The following ATP6V0A1 variants were observed in gnomAD, a reference collection of about 807,000 sequenced individuals.
The protein encoded by ATP6V0A1 is ATPase H+ transporting V0 subunit a1.
Under a neutral mutation model 105.4 loss-of-function variants are expected in ATP6V0A1, and 43 were observed. That is an observed-to-expected ratio of 0.41 (90% CI 0.32 to 0.53). The LOEUF is 0.53. Ranked by LOEUF, ATP6V0A1 falls within the 20% of genes least tolerant of loss-of-function variation. The pLI is 0.30. For missense variants in ATP6V0A1, 676 were observed against 1,051.1 expected, an observed-to-expected ratio of 0.64 and a Z score of 4.93; for synonymous variants, 362 against 372.8, an observed-to-expected ratio of 0.97 and a Z score of 0.33.
At chr17:42,483,843 A>G (rs950938390) in intron 9 of ATP6V0A1, among the ~76,000 whole-genome samples, 2 of 152,116 alleles carry the variant, frequency 1.3e-5, no homozygotes, top group African/African-American at 2.4e-5. Flanking sequence ...TGGCCTCCCA[A>G]AGTGCTGGGA....
chr17:42,484,339 G>A (rs769400135), intron 9 of ATP6V0A1, among the ~76,000 whole-genome samples: 8 of 152,168 alleles, frequency 5.3e-5, no homozygotes, highest in Non-Finnish European at 1.0e-4. Context: ...TTATAGGTGT[G>A]AGCCACCGCG....
chr17:42,480,805 T>C (rs1267435734), intron 8 of ATP6V0A1, 56 bp downstream of exon 8: 18 of 1,508,310 alleles, frequency 1.2e-5, no homozygotes, highest in Non-Finnish European at 1.5e-5. Context: ...AACTGTTGAG[T>C]CTTAAAGTTC....
intron 2 of ATP6V0A1, among the ~76,000 whole-genome samples, chr17:42,464,454 G>A (rs2086796046): frequency 1.3e-5 from 2 of 151,778 alleles, no homozygotes; most frequent in Admixed American, 1.3e-4. Flanking sequence ...CCAGGCTGGA[G>A]TGCAGTGGCA....
At chr17:42,481,024 G>T in intron 8 of ATP6V0A1, 1 of 233,712 alleles carries the variant, frequency 4.3e-6, no homozygotes, top group Non-Finnish European at 8.4e-6. Flanking sequence ...TGGGCTCAGG[G>T]GATTCTCCTG....
intron 18 of ATP6V0A1, 146 bp downstream of exon 18, chr17:42,507,773 C>T: frequency 1.4e-6 from 1 of 712,664 alleles, no homozygotes; most frequent in South Asian, 1.5e-5. Context: ...TCTTAGGGCA[C>T]CACAGCTTTT....
intron 1 of ATP6V0A1, among the ~76,000 whole-genome samples, chr17:42,459,605 G>A (rs941471941): frequency 6.6e-6 from 1 of 152,192 alleles, no homozygotes; most frequent in Non-Finnish European, 1.5e-5. Context: ...ATTATCCACA[G>A]CTCCTGAACT....
At chr17:42,477,542 C>T in intron 5 of ATP6V0A1, 118 bp from the exon 6 acceptor site, 2 of 1,005,544 alleles carry the variant, frequency 2.0e-6, no homozygotes, top group South Asian at 3.5e-5. Context: ...GGTTTGTTTT[C>T]TTTTTCATCC....
intron 11 of ATP6V0A1, among the ~76,000 whole-genome samples, chr17:42,492,960 G>A (rs1386642725): frequency 1.3e-5 from 2 of 152,060 alleles, no homozygotes; most frequent in Non-Finnish European, 2.9e-5. Context: ...AGAAGTTATA[G>A]TGAGCCTAAA....
intron 15 of ATP6V0A1, among the ~76,000 whole-genome samples, chr17:42,499,792 A>C (rs1324876023): frequency 6.6e-6 from 1 of 152,160 alleles, no homozygotes; most frequent in Non-Finnish European, 1.5e-5. Context: ...CATCTCAAAA[A>C]AAAAAAAAAT....
At chr17:42,506,809 G>T (rs139039009) in intron 17 of ATP6V0A1, among the ~76,000 whole-genome samples, 1 of 152,178 alleles carries the variant, frequency 6.6e-6, no homozygotes, top group Admixed American at 6.5e-5. Flanking sequence ...GACTGTGTTT[G>T]TGAACTCAGA....
intron 19 of ATP6V0A1, among the ~76,000 whole-genome samples, chr17:42,512,756 G>A (rs1447689600): frequency 6.6e-6 from 1 of 152,210 alleles, no homozygotes; most frequent in Non-Finnish European, 1.5e-5. Flanking sequence ...GGCATTTCTG[G>A]TGTCCTTTGG....
At chr17:42,465,890 T>C (rs916128642) in intron 2 of ATP6V0A1, among the ~76,000 whole-genome samples, 1 of 151,720 alleles carries the variant, frequency 6.6e-6, no homozygotes, top group Non-Finnish European at 1.5e-5. Flanking sequence ...TGCTTGAACC[T>C]GGGAGGCAGA....
At chr17:42,506,105 G>A (rs369067786) in intron 17 of ATP6V0A1, among the ~76,000 whole-genome samples, 3 of 152,086 alleles carry the variant, frequency 2.0e-5, no homozygotes, top group Non-Finnish European at 4.4e-5. Context: ...CATATACCTT[G>A]CCAAAGTTTT....
Position 42,468,083 on chromosome 17 carries a change from C to G in ATP6V0A1, c.270C>G (p.Phe90Leu), listed in dbSNP as rs759834496. 3 of 1,596,742 alleles carry G rather than the reference C, an allele frequency of 1.9e-6. No individual in the cohort carries two copies. The East Asian group carries it at 6.9e-5, about 37-fold the overall frequency. Residue 90 changes from phenylalanine (F) to leucine (L), a missense_variant, in exon 4 of 22, where the codon TTC becomes TTG. Physicochemically the swap from Phe to Leu is conservative, Grantham distance 22. Around this residue, in one of 3 missense-constraint regions of ATP6V0A1, gnomAD observed 239 missense variants for 388.4 expected, o/e 0.62. Transcript: ENST00000343619. Reference protein sequence around the residue: ...MDTGENPEVPFPRDMIDLEAN... With the variant: ...MDTGENPEVPLPRDMIDLEAN... ...CCGGTGAAAACCCAGAGGTTCCCTTCCCCCGGGACATGATTGACTTAGAGG... is the reference window on the plus strand; with the variant it reads ...CCGGTGAAAACCCAGAGGTTCCCTTGCCCCGGGACATGATTGACTTAGAGG...
At chr17:42,463,707 TA>T (rs1252557972) in intron 2 of ATP6V0A1, among the ~76,000 whole-genome samples, 4 of 152,180 alleles carry the variant, frequency 2.6e-5, no homozygotes, top group Non-Finnish European at 5.9e-5. Context: ...ATGCAGGGGT[TA>T]GGGGTGCCAA....
At chr17:42,496,778 G>A (rs751760958) in intron 14 of ATP6V0A1, among the ~76,000 whole-genome samples, 19 of 152,120 alleles carry the variant, frequency 1.2e-4, no homozygotes, top group Non-Finnish European at 1.9e-4. Flanking sequence ...GGAGGTTGCA[G>A]TGAGCCCAGA....
At chr17:42,492,922 A>G (rs1012766808) in intron 11 of ATP6V0A1, among the ~76,000 whole-genome samples, 1 of 151,830 alleles carries the variant, frequency 6.6e-6, no homozygotes, top group African/African-American at 2.4e-5. Context: ...GGAGGCCTAG[A>G]CAGGAGAATT....
chr17:42,471,297 C>T (rs1362762732), intron 5 of ATP6V0A1: 1 of 151,600 alleles, frequency 6.6e-6, no homozygotes, highest in African/African-American at 2.4e-5. Flanking sequence ...TGGTGGGCAC[C>T]TGTAGTCCCA....
rs547923069 is a variant in ATP6V0A1, at chr17:42,475,143, C to T, written c.424-2517C>T. ...CCATCTGCTTTCTTTATTTTTTTCC[C>T]ATCTGCCATTTCCTTTGGGGCCTAG... On this transcript the variant is annotated intron_variant, in intron 5 of 21. Transcript: ENST00000343619. Among the ~76,000 whole-genome samples, 58 of 152,244 alleles carry T rather than the reference C, an allele frequency of 3.8e-4. 1 individual carries two copies. The highest frequency in any genetic ancestry group is 6.8e-4 in the Non-Finnish European group (46 of 68,002).
Sources: gnomAD v4.1 joint callset for allele counts (sites outside exome capture counted in the v4.1 genomes callset) on GRCh38, gnomAD v4.1.1 for gene constraint, gnomAD v4.1.1 regional missense constraint, MANE v1.5 for transcripts, NCBI Gene and HGNC (gene_info 2026-07-23, HGNC 2026-07-21) for gene names.